The following DAP variants were observed in gnomAD, a reference collection of about 807,000 sequenced individuals.
DAP encodes death-associated protein 1.
DAP carries 8 observed loss-of-function variants against 13.8 expected under a neutral mutation model. The ratio of observed to expected loss-of-function variants is 0.58; its 90% CI spans 0.34 to 1.05. The LOEUF is 1.05. Among genes scored for constraint, DAP ranks in the 50% least tolerant of loss-of-function variants. DAP has a pLI of 0.03. For missense variants in DAP, 106 were observed against 133.2 expected, an observed-to-expected ratio of 0.80 and a Z score of 1.01; for synonymous variants, 47 against 47.5, an observed-to-expected ratio of 0.99 and a Z score of 0.04.
intron 1 of DAP, among the ~76,000 whole-genome samples, chr5:10,749,800 G>C (rs1408184609): frequency 7.1e-6 from 1 of 141,168 alleles, no homozygotes. Context: ...CAGGGCTACA[G>C]TGTTCCATGA....
rs115175184 is a variant in DAP at position 10,744,886 on chromosome 5, C to A, written c.152+3289G>T. 4.5e-3 allele frequency among the ~76,000 whole-genome samples: 689 copies of A among 152,308 alleles called. 4 individuals carry two copies. Among genetic ancestry groups the A allele is most frequent in the African/African-American group, 0.015 (633 of 41,560 alleles). ...TGCCACCAGCACTGGAATGCTGGCA[C>A]TGCCACTTACCCACCGTGTGCCCTC... is the stretch of plus-strand genomic sequence containing the variant. On this transcript the variant is annotated intron_variant, in intron 2 of 3. Transcript: ENST00000230895.
chr5:10,759,562 C>T (rs1227206928), intron 1 of DAP, among the ~76,000 whole-genome samples: 2 of 152,148 alleles, frequency 1.3e-5, no homozygotes, highest in Non-Finnish European at 2.9e-5. Context: ...AGTTCTCTGG[C>T]ATCAGTTAGA....
chr5:10,731,230 TG>T (rs72488706), intron 2 of DAP, among the ~76,000 whole-genome samples: 8,344 of 104,708 alleles, frequency 0.08, 135 homozygotes, highest in East Asian at 0.26. Flanking sequence ...AGAGCCCTAG[TG>T]GGGGGGAATC....
At chr5:10,747,152 C>T (rs1200587693) in intron 2 of DAP, among the ~76,000 whole-genome samples, 4 of 152,252 alleles carry the variant, frequency 2.6e-5, no homozygotes, top group Admixed American at 6.5e-5. Flanking sequence ...TCCCCTTCCA[C>T]ACCCTCTCCT....
chr5:10,702,188 T>C (rs754895273), intron 2 of DAP, among the ~76,000 whole-genome samples: 2 of 152,200 alleles, frequency 1.3e-5, no homozygotes, highest in African/African-American at 4.8e-5. Flanking sequence ...CATGGTCTGG[T>C]GCGCACACAT....
At chr5:10,706,990 A>G (rs1420551844) in intron 2 of DAP, among the ~76,000 whole-genome samples, 3 of 152,100 alleles carry the variant, frequency 2.0e-5, no homozygotes, top group Non-Finnish European at 2.9e-5. Flanking sequence ...TCCCACAACT[A>G]TAAGAGGGAA....
chr5:10,734,483 T>C (rs1232656213), intron 2 of DAP, among the ~76,000 whole-genome samples: 4 of 152,190 alleles, frequency 2.6e-5, no homozygotes, highest in Non-Finnish European at 4.4e-5. Flanking sequence ...TGGGTACCCA[T>C]ATGCTGTGCC....
intron 2 of DAP, among the ~76,000 whole-genome samples, chr5:10,726,641 G>A (rs373448782): frequency 6.6e-6 from 1 of 152,242 alleles, no homozygotes; most frequent in African/African-American, 2.4e-5. Flanking sequence ...GACAACAGGC[G>A]AGTCATATCA....
At chr5:10,705,826 T>C (rs140745954) in intron 2 of DAP, among the ~76,000 whole-genome samples, 1 of 152,324 alleles carries the variant, frequency 6.6e-6, no homozygotes, top group East Asian at 1.9e-4. Context: ...AATTATGAAA[T>C]CCTTGGTTAG....
chr5:10,759,744 C>T (rs1456402391), intron 1 of DAP, among the ~76,000 whole-genome samples: 235 of 88,232 alleles, frequency 2.7e-3, no homozygotes, highest in African/African-American at 6.6e-3. Flanking sequence ...TAATGGGAAT[C>T]TTTTTTTTTT....
chr5:10,702,758 C>A (rs1302584372), intron 2 of DAP, among the ~76,000 whole-genome samples: 1 of 152,194 alleles, frequency 6.6e-6, no homozygotes. Context: ...CAACTCCTGG[C>A]AGCTGCCAAC....
chr5:10,757,576 G>T (rs1740221039), intron 1 of DAP, among the ~76,000 whole-genome samples: 1 of 152,140 alleles, frequency 6.6e-6, no homozygotes, highest in South Asian at 2.1e-4. Context: ...ACCCGGCTCT[G>T]GGTCAGGTTT....
chr5:10,741,371 T>TG (rs1253716747), intron 2 of DAP, among the ~76,000 whole-genome samples: 1 of 151,952 alleles, frequency 6.6e-6, no homozygotes, highest in Non-Finnish European at 1.5e-5. Flanking sequence ...GCAGGTGCGG[T>TG]GGGGGGCTGT....
chr5:10,748,861 T>C (rs1204009663), intron 1 of DAP, among the ~76,000 whole-genome samples: 1 of 152,232 alleles, frequency 6.6e-6, no homozygotes, highest in African/African-American at 2.4e-5. Flanking sequence ...ATACAATTCA[T>C]TCATTTAAAC....
intron 1 of DAP, among the ~76,000 whole-genome samples, chr5:10,752,976 C>A (rs1014584682): frequency 6.6e-6 from 1 of 152,220 alleles, no homozygotes; most frequent in East Asian, 1.9e-4. Flanking sequence ...GCTCTTCACC[C>A]TCTCTTCACA....
At chr5:10,759,173 ACT>A (rs1279813617) in intron 1 of DAP, among the ~76,000 whole-genome samples, 6 of 152,100 alleles carry the variant, frequency 3.9e-5, no homozygotes, top group Non-Finnish European at 5.9e-5. Context: ...ACAGAGTGAG[ACT>A]CTGTTTCAAA....
chr5:10,711,711 C>A (rs1310156461), intron 2 of DAP, among the ~76,000 whole-genome samples: 1 of 152,206 alleles, frequency 6.6e-6, no homozygotes, highest in African/African-American at 2.4e-5. Flanking sequence ...TCTGTTTACT[C>A]TTTCTCACAC....
intron 2 of DAP, among the ~76,000 whole-genome samples, chr5:10,687,089 G>A (rs776271443): frequency 3.3e-5 from 5 of 152,256 alleles, no homozygotes; most frequent in African/African-American, 4.8e-5. Context: ...CCTGGATGAC[G>A]GCACATTGGT....
At chr5:10,686,417 C>G (rs1489586874) in intron 2 of DAP, among the ~76,000 whole-genome samples, 2 of 152,162 alleles carry the variant, frequency 1.3e-5, no homozygotes, top group African/African-American at 4.8e-5. Context: ...ACAGGCTGGT[C>G]TCTTGCACCA....
Sources: gnomAD v4.1 joint callset for allele counts (sites outside exome capture counted in the v4.1 genomes callset) on GRCh38, gnomAD v4.1.1 for gene constraint, MANE v1.5 for transcripts, NCBI Gene and HGNC (gene_info 2026-07-23, HGNC 2026-07-21) for gene names.